The following GLRA2 variants were observed in gnomAD, a reference collection of about 807,000 sequenced individuals.
The protein encoded by GLRA2 is glycine receptor alpha 2.
A neutral mutation model predicts 31.6 loss-of-function variants in GLRA2; 11 were observed. That is an observed-to-expected ratio of 0.35 (90% CI 0.22 to 0.58). The LOEUF (loss-of-function observed/expected upper bound fraction) is 0.58, where lower values mean the gene tolerates loss of function less well. Ranked by LOEUF, GLRA2 falls within the 20% of genes least tolerant of loss-of-function variation. GLRA2 has a pLI of 0.84. For missense variants in GLRA2, 212 were observed against 351.8 expected, an observed-to-expected ratio of 0.60 and a Z score of 3.18; for synonymous variants, 132 against 134.0, an observed-to-expected ratio of 0.99 and a Z score of 0.10.
chrX:14,646,447 TA>T (rs1234072722), intron 7 of GLRA2, among the ~76,000 whole-genome samples: 1 of 112,444 alleles, frequency 8.9e-6, no homozygotes, highest in Non-Finnish European at 1.9e-5. Flanking sequence ...TAGCCCATTT[TA>T]TAGTTTCATA....
chrX:14,577,956 G>A (rs1172337565), intron 3 of GLRA2, among the ~76,000 whole-genome samples: 1 of 111,963 alleles, frequency 8.9e-6, no homozygotes, highest in African/African-American at 3.2e-5. Context: ...GTCTTTAGTT[G>A]TAGTCAGAAT....
intron 8 of GLRA2, among the ~76,000 whole-genome samples, chrX:14,716,936 G>A (rs1440316573): frequency 2.7e-5 from 3 of 110,992 alleles, no homozygotes; most frequent in African/African-American, 9.8e-5. Flanking sequence ...ACCAACTCTG[G>A]AGACTTCAGG....
intron 7 of GLRA2, among the ~76,000 whole-genome samples, chrX:14,633,581 A>T (rs1362074537): frequency 1.8e-5 from 2 of 112,068 alleles, no homozygotes; most frequent in Non-Finnish European, 3.8e-5. Flanking sequence ...AATTACGAAA[A>T]GCAGGAATGA....
intron 7 of GLRA2, among the ~76,000 whole-genome samples, chrX:14,633,998 G>A (rs2090681335): frequency 1.8e-5 from 2 of 111,160 alleles, no homozygotes; most frequent in Admixed American, 1.9e-4. Context: ...GCCCAGGCTG[G>A]AGTGCAATAG....
Position 14,574,321 on chromosome X carries a change from T to G in GLRA2, c.203-12T>G. On this transcript the variant is annotated splice_polypyrimidine_tract_variant and intron_variant, in intron 2 of 8. Coordinates refer to ENST00000218075, the MANE Select transcript of GLRA2 (RefSeq NM_002063.4). The stretch of plus-strand genomic sequence containing the variant: ...TCAATGTCTATTGCAATATTCTCAT[T>G]GCATTCTGCAGGTCCTCCAGTAAAC... The G allele has an allele frequency of 8.7e-7, 1 of 1,151,318 alleles. No individual in the cohort carries two copies. Among genetic ancestry groups the G allele is most frequent in the Non-Finnish European group, 1.2e-6 (1 of 840,139 alleles). The allele number at this position is 1,151,318 out of a possible 1,213,427, so 94.9% of individuals were successfully genotyped here.
intron 2 of GLRA2, among the ~76,000 whole-genome samples, chrX:14,534,753 G>A (rs2089300771): frequency 9.1e-6 from 1 of 110,494 alleles, no homozygotes; most frequent in Non-Finnish European, 1.9e-5. Flanking sequence ...ATGAAGATTA[G>A]TGCTTCCAAC....
At chrX:14,535,888 ATTTC>A (rs1003753286) in intron 2 of GLRA2, among the ~76,000 whole-genome samples, 1 of 112,333 alleles carries the variant, frequency 8.9e-6, no homozygotes, top group Non-Finnish European at 1.9e-5. Context: ...CATTAGTTCC[ATTTC>A]TTTCTTTTTG....
the GLRA2 span, among the ~76,000 whole-genome samples, chrX:14,466,042 A>G: frequency 9.0e-6 from 1 of 111,729 alleles, no homozygotes; most frequent in Non-Finnish European, 1.9e-5. Flanking sequence ...CAGACTTTAT[A>G]TTCTAGATTT....
intron 8 of GLRA2, among the ~76,000 whole-genome samples, chrX:14,723,304 A>G (rs2091888050): frequency 2.7e-5 from 3 of 111,786 alleles, no homozygotes; most frequent in Admixed American, 1.9e-4. Context: ...ACAATTTCCA[A>G]TCCATCTCTA....
intron 7 of GLRA2, among the ~76,000 whole-genome samples, chrX:14,667,563 A>G (rs923269379): frequency 4.5e-5 from 5 of 112,033 alleles, no homozygotes; most frequent in Non-Finnish European, 9.4e-5. Context: ...TTGAATAGCT[A>G]CTTTTATACA....
the GLRA2 span, among the ~76,000 whole-genome samples, chrX:14,461,387 C>G: frequency 9.0e-6 from 1 of 111,420 alleles, no homozygotes; most frequent in Non-Finnish European, 1.9e-5. Flanking sequence ...GAGCTGAGTT[C>G]ACGTCCTGGA....
At chrX:14,646,718 T>A (rs866777911) in intron 7 of GLRA2, among the ~76,000 whole-genome samples, 1 of 111,693 alleles carries the variant, frequency 9.0e-6, no homozygotes, top group African/African-American at 3.3e-5. Context: ...AGACATACGA[T>A]AGAGAAGACT....
At chrX:14,491,360 A>G in the GLRA2 span, among the ~76,000 whole-genome samples, 1 of 111,763 alleles carries the variant, frequency 8.9e-6, no homozygotes, top group South Asian at 3.7e-4. Context: ...GTTCACTTCT[A>G]TTACTAAAGT....
chrX:14,710,220 C>A (rs2091692962), intron 8 of GLRA2, among the ~76,000 whole-genome samples: 1 of 112,012 alleles, frequency 8.9e-6, no homozygotes, highest in Admixed American at 9.5e-5. Context: ...GAGCCCCCTG[C>A]AGAAACAAAC....
the GLRA2 span, among the ~76,000 whole-genome samples, chrX:14,505,899 A>G: frequency 9.0e-6 from 1 of 111,256 alleles, no homozygotes; most frequent in East Asian, 2.8e-4. Context: ...GCTCTGAAAA[A>G]CACAGTTTTA....
At chrX:14,491,878 G>A in the GLRA2 span, among the ~76,000 whole-genome samples, 1,262 of 111,686 alleles carry the variant, frequency 0.011, 17 homozygotes, top group African/African-American at 0.036. Context: ...CAAACATGTC[G>A]TCATAGCTGA....
chrX:14,660,751 G>T (rs2090983073), intron 7 of GLRA2, among the ~76,000 whole-genome samples: 1 of 111,868 alleles, frequency 8.9e-6, no homozygotes, highest in African/African-American at 3.3e-5. Context: ...GGATTTAAAT[G>T]AAATAAAGTA....
chrX:14,523,297 A>G, the GLRA2 span, among the ~76,000 whole-genome samples: 1 of 111,600 alleles, frequency 9.0e-6, no homozygotes, highest in Non-Finnish European at 1.9e-5. Flanking sequence ...AATTGAAAAG[A>G]GGTGTTGGGG....
chrX:14,530,388 G>A (rs1027200394), intron 1 of GLRA2, among the ~76,000 whole-genome samples: 13 of 111,671 alleles, frequency 1.2e-4, no homozygotes, highest in Non-Finnish European at 1.3e-4. Context: ...AGTCTGATGA[G>A]TTGCATGCTC....
Sources: allele counts gnomAD v4.1 joint callset (sites outside exome capture counted in the v4.1 genomes callset), GRCh38; gene constraint gnomAD v4.1.1; transcripts MANE v1.5; gene names NCBI Gene and HGNC (gene_info 2026-07-23, HGNC 2026-07-21).